The following FBN1 variants were observed in gnomAD, a reference collection of about 807,000 sequenced individuals.
FBN1 encodes the protein fibrillin 1, also known as fibrillin-1.
A neutral mutation model predicts 365.1 loss-of-function variants in FBN1; 29 were observed. The ratio of observed to expected loss-of-function variants is 0.08; its 90% CI spans 0.06 to 0.11. The LOEUF is 0.11. Ranked by LOEUF, FBN1 falls within the 10% of genes least tolerant of loss-of-function variation. The pLI, the probability that FBN1 is intolerant of heterozygous loss-of-function variation, is 1.00. For missense variants in FBN1, 2,476 were observed against 3,703.2 expected (o/e 0.67, Z 8.60); for synonymous variants, 1,210 against 1,270.5 (o/e 0.95, Z 1.01).
intron 2 of FBN1, chr15:48,641,888 T>A (rs1890204374): frequency 6.6e-6 from 1 of 152,184 alleles, no homozygotes; most frequent in Admixed American, 6.6e-5. Context: ...GTTATTCAAA[T>A]TTAACATAAG....
chr15:48,420,202 C>T (rs34040963), intron 63 of FBN1, among the ~76,000 whole-genome samples: 3,175 of 62,356 alleles, frequency 0.051, 48 homozygotes, highest in Non-Finnish European at 0.076. Flanking sequence ...AAAAACAAAA[C>T]AAAACAAAAC....
chr15:48,505,212 C>T, intron 15 of FBN1, 65 bp from the exon 16 acceptor site: 1 of 1,596,222 alleles, frequency 6.3e-7, no homozygotes, highest in East Asian at 2.2e-5. Flanking sequence ...AACATGTTGA[C>T]AATTATGTTT....
intron 6 of FBN1, among the ~76,000 whole-genome samples, chr15:48,594,328 C>T (rs989540250): frequency 1.3e-5 from 2 of 152,176 alleles, no homozygotes; most frequent in Admixed American, 6.5e-5. Flanking sequence ...TACTAACGGG[C>T]AAGCCTGCCT....
chr15:48,425,979 A>T (rs537143370), intron 58 of FBN1, 115 bp from the exon 59 acceptor site: 1 of 825,700 alleles, frequency 1.2e-6, no homozygotes, highest in East Asian at 2.7e-5. Context: ...TTTGGGCCTA[A>T]GAAATTAAAC....
At chr15:48,508,836 T>A (rs2043734771) in intron 14 of FBN1, 132 bp from the exon 15 acceptor site, 4 of 1,070,100 alleles carry the variant, frequency 3.7e-6, no homozygotes, top group Non-Finnish European at 5.4e-6. Context: ...CTAACTTTCA[T>A]CCAAATAAGA....
intron 46 of FBN1, among the ~76,000 whole-genome samples, chr15:48,447,768 T>A (rs1352628681): frequency 6.6e-6 from 1 of 152,156 alleles, no homozygotes; most frequent in South Asian, 2.1e-4. Flanking sequence ...AGATAAATGA[T>A]CTGTGATTCC....
intron 2 of FBN1, among the ~76,000 whole-genome samples, chr15:48,631,093 T>A (rs1457786948): frequency 6.6e-6 from 1 of 152,182 alleles, no homozygotes; most frequent in Admixed American, 6.5e-5. Context: ...GTATGTTTTG[T>A]TCCACTCTCA....
rs995547736 is a variant in FBN1 at position 48,445,578 on chromosome 15, A to G, written c.5789-74T>C. The G allele has an allele frequency of 3.9e-6, 6 of 1,535,794 alleles. No homozygotes were observed. In the Admixed American group the frequency reaches 6.7e-5, roughly 17 times the overall value. ...AATCCCAGCAATAATCAAAACTTCTAAAAGAAAAAATACTTTTTCTGAATT... is the reference window on the plus strand; with the variant it reads ...AATCCCAGCAATAATCAAAACTTCTGAAAGAAAAAATACTTTTTCTGAATT... On this transcript the variant is annotated intron_variant, in intron 47 of 65. Coordinates refer to ENST00000316623, the MANE Select transcript of FBN1 (RefSeq NM_000138.5).
At chr15:48,490,846 C>CA (rs1166285382) in intron 24 of FBN1, among the ~76,000 whole-genome samples, 1 of 152,186 alleles carries the variant, frequency 6.6e-6, no homozygotes, top group African/African-American at 2.4e-5. Context: ...CAGGATGTTG[C>CA]ACTCATCTCT....
intron 10 of FBN1, 61 bp from the exon 11 acceptor site, chr15:48,516,423 A>T: frequency 6.7e-7 from 1 of 1,500,900 alleles, no homozygotes; most frequent in South Asian, 1.1e-5. Context: ...TCATAGGCCC[A>T]CAGAAGTCAT....
chr15:48,644,490 A>T, intron 2 of FBN1, 116 bp downstream of exon 2: 1 of 1,449,276 alleles, frequency 6.9e-7, no homozygotes, highest in South Asian at 1.2e-5. Flanking sequence ...AGCACCTCTA[A>T]GGTGCCCCCA....
At chr15:48,534,228 G>GAA in intron 7 of FBN1, 23 bp from the exon 8 acceptor site, 1 of 1,548,038 alleles carries the variant, frequency 6.5e-7, no homozygotes. Flanking sequence ...AGAAGACAGA[G>GAA]AGAAAAAAAA....
chr15:48,484,023 T>C (rs2043486427), intron 30 of FBN1, 80 bp from the exon 31 acceptor site: 3 of 1,430,984 alleles, frequency 2.1e-6, no homozygotes, highest in Non-Finnish European at 2.9e-6. Context: ...CTGACCGCAG[T>C]CAAATAAACT....
At chr15:48,463,383 C>G in intron 41 of FBN1, 143 bp from the exon 42 acceptor site, 1 of 823,480 alleles carries the variant, frequency 1.2e-6, no homozygotes. Context: ...AAAAAACTTG[C>G]TCTTACACAA....
intron 6 of FBN1, among the ~76,000 whole-genome samples, chr15:48,590,647 T>C (rs1234930515): frequency 6.6e-6 from 1 of 152,260 alleles, no homozygotes; most frequent in Non-Finnish European, 1.5e-5. Flanking sequence ...ATTGTTGTGC[T>C]AACAAATACA....
Position 48,428,387 on chromosome 15 carries a change from T to C in FBN1, c.6956A>G (p.Asn2319Ser). 2 of 1,614,104 alleles carry C rather than the reference T, an allele frequency of 1.2e-6. No homozygotes were observed. The highest frequency in any genetic ancestry group is 1.7e-6 in the Non-Finnish European group (2 of 1,179,988). Residue 2319 changes from asparagine to serine, a missense_variant, in exon 57 of 66, where the codon AAT becomes AGT. Asn to Ser is a conservative substitution (Grantham distance 46). Transcript: ENST00000316623. ...NTRGSYTCEC[N>S]DGFTASPNQD... Reference sequence around the variant, plus strand: ...GTTGGGGCTGGCGGTAAACCCATCATTACACTCACAGGTGTAGCTCCCACG... The same window carrying C: ...GTTGGGGCTGGCGGTAAACCCATCACTACACTCACAGGTGTAGCTCCCACG...
Position 48,496,165 on chromosome 15 carries a change from G to A in FBN1, c.2354C>T (p.Pro785Leu), listed in dbSNP as rs956678986. Residue 785 changes from proline (P) to leucine (L), a missense_variant, in exon 20 of 66, where the codon CCT (proline) becomes CTT (leucine). This residue lies in a region of FBN1 where 1,780 missense variants were observed against 2,840.8 expected (regional missense o/e 0.63). Coordinates refer to ENST00000316623, the MANE Select transcript of FBN1 (RefSeq NM_000138.5). The part of the protein sequence containing the change: ...LCDNGQCRNT[P>L]GSFVCTCPKG... ...GGGGCAGGTACAGACAAAACTTCCA[G>A]GAGTATTTCTACATTGTCCATTGTC... The A allele has an allele frequency of 6.2e-7, 1 of 1,613,608 alleles. No individual in the cohort carries two copies. Among genetic ancestry groups the A allele is most frequent in the African/African-American group, 1.3e-5 (1 of 74,890 alleles).
chr15:48,534,060 C>T lies in FBN1; in HGVS notation c.862+20G>A. On this transcript the variant is annotated intron_variant, in intron 8 of 65. Coordinates refer to ENST00000316623, the MANE Select transcript of FBN1 (RefSeq NM_000138.5). The stretch of plus-strand genomic sequence containing the variant: ...CTGCCCCCACTACACCCCCCAACTG[C>T]AAAGCATAAGATTTCTTACCTTCAC... 1 of 1,612,600 alleles carries T rather than the reference C, an allele frequency of 6.2e-7. No homozygotes were observed. Among genetic ancestry groups the T allele is most frequent in the Non-Finnish European group, 8.5e-7 (1 of 1,179,196 alleles).
chr15:48,620,060 C>G (rs1386988752), intron 2 of FBN1, among the ~76,000 whole-genome samples: 1 of 152,092 alleles, frequency 6.6e-6, no homozygotes, highest in South Asian at 2.1e-4. Flanking sequence ...GAGCCATGGT[C>G]GGGGGACTGG....
Sources: allele counts gnomAD v4.1 joint callset (sites outside exome capture counted in the v4.1 genomes callset), GRCh38; gene constraint gnomAD v4.1.1; regional missense constraint gnomAD v4.1.1; transcripts MANE v1.5; gene names NCBI Gene and HGNC (gene_info 2026-07-23, HGNC 2026-07-21).